SGCZ: variants seen among roughly 807,000 people sequenced by gnomAD.
The protein encoded by SGCZ is zeta-sarcoglycan.
In SGCZ, 40 loss-of-function variants were observed where a neutral mutation model predicts 41.3. The ratio of observed to expected loss-of-function variants is 0.97; its 90% CI spans 0.75 to 1.26. The LOEUF is 1.26. Among genes scored for constraint, SGCZ ranks in the 50% most tolerant of loss-of-function variants. The pLI, the probability that SGCZ is intolerant of heterozygous loss-of-function variation, is 0.00. For missense variants in SGCZ, 552 were observed against 369.8 expected, an observed-to-expected ratio of 1.49 and a Z score of -4.04; for synonymous variants, 206 against 137.5, an observed-to-expected ratio of 1.50 and a Z score of -3.49.
chr8:14,664,503 A>C (rs1807846528), intron 1 of SGCZ, among the ~76,000 whole-genome samples: 3 of 152,198 alleles, frequency 2.0e-5, no homozygotes, highest in Non-Finnish European at 4.4e-5. Flanking sequence ...AAGATATGTG[A>C]TATTTCAACT....
At position 14,199,860 on chromosome 8, in the gene SGCZ, C is replaced by A. The variant is rs557738076; in HGVS notation, c.425-35158G>T. 3.3e-5 allele frequency among the ~76,000 whole-genome samples: 5 copies of A among 152,164 alleles called. No homozygotes were observed. The South Asian group carries it at 1.0e-3, about 32-fold the overall frequency. The stretch of plus-strand genomic sequence containing the variant: ...AAAATGGATTTTGAAGATCTAAGAT[C>A]TTAAGAACAAATCTTCTATCCATAC... On this transcript the variant is annotated intron_variant, in intron 4 of 7. Coordinates refer to ENST00000382080, the MANE Select transcript of SGCZ (RefSeq NM_139167.4).
intron 5 of SGCZ, among the ~76,000 whole-genome samples, chr8:14,119,271 C>A (rs1802618703): frequency 6.6e-6 from 1 of 152,106 alleles, no homozygotes. Flanking sequence ...TCGAAGAAGT[C>A]CTTCACATCC....
intron 3 of SGCZ, among the ~76,000 whole-genome samples, chr8:14,302,757 A>T (rs921502758): frequency 6.6e-6 from 1 of 152,154 alleles, no homozygotes; most frequent in East Asian, 1.9e-4. Flanking sequence ...AGAAACACCG[A>T]CCCTAAATTT....
chr8:14,163,984 G>C (rs949931473), intron 5 of SGCZ, among the ~76,000 whole-genome samples: 2 of 152,094 alleles, frequency 1.3e-5, no homozygotes, highest in African/African-American at 2.4e-5. Context: ...GCTTAAAATT[G>C]TCATCAAATT....
intron 1 of SGCZ, among the ~76,000 whole-genome samples, chr8:14,562,128 T>G (rs1056396237): frequency 6.6e-6 from 1 of 152,132 alleles, no homozygotes; most frequent in Non-Finnish European, 1.5e-5. Context: ...ATTTTTTACC[T>G]TAGTCCCTTG....
At chr8:14,447,067 A>G (rs2117388053) in intron 2 of SGCZ, among the ~76,000 whole-genome samples, 1 of 152,316 alleles carries the variant, frequency 6.6e-6, no homozygotes, top group African/African-American at 2.4e-5. Flanking sequence ...CATTTTCCAG[A>G]AAATATATGT....
At chr8:15,097,920 A>T (rs1207544809) in intron 1 of SGCZ, among the ~76,000 whole-genome samples, 2 of 127,158 alleles carry the variant, frequency 1.6e-5, no homozygotes, top group Non-Finnish European at 3.3e-5. Flanking sequence ...ACGTGTGTAT[A>T]TATATATATA....
intron 4 of SGCZ, among the ~76,000 whole-genome samples, chr8:14,198,031 A>T (rs774973756): frequency 6.6e-6 from 1 of 152,214 alleles, no homozygotes; most frequent in Non-Finnish European, 1.5e-5. Flanking sequence ...ATTAAACTTA[A>T]TATTTTTATA....
chr8:14,466,797 T>A (rs1406564389), intron 2 of SGCZ, among the ~76,000 whole-genome samples: 1 of 151,876 alleles, frequency 6.6e-6, no homozygotes, highest in Non-Finnish European at 1.5e-5. Context: ...AAAATACCTT[T>A]TGATTTCTTT....
At chr8:15,231,607 A>G (rs550560282) in intron 1 of SGCZ, among the ~76,000 whole-genome samples, 191 of 109,404 alleles carry the variant, frequency 1.7e-3, no homozygotes, top group Middle Eastern at 5.8e-3. Flanking sequence ...ATGTTAATAT[A>G]TTCTTTTTTT....
intron 1 of SGCZ, among the ~76,000 whole-genome samples, chr8:15,194,676 G>C (rs895588839): frequency 7.2e-5 from 11 of 152,128 alleles, no homozygotes; most frequent in Admixed American, 1.3e-4. Flanking sequence ...AGATCTGAAG[G>C]TTCTACACTG....
At chr8:14,604,996 C>A (rs573734653) in intron 1 of SGCZ, among the ~76,000 whole-genome samples, 28 of 152,292 alleles carry the variant, frequency 1.8e-4, no homozygotes, top group Non-Finnish European at 4.0e-4. Context: ...TTACTGTCTG[C>A]TTTTACATTC....
intron 4 of SGCZ, 73 bp downstream of exon 4, chr8:14,237,519 A>T: frequency 7.4e-7 from 1 of 1,359,022 alleles, no homozygotes; most frequent in Non-Finnish European, 1.0e-6. Context: ...GACAACAACA[A>T]GAACCAAAAA....
chr8:14,588,989 T>G (rs1805153514), intron 1 of SGCZ, among the ~76,000 whole-genome samples: 1 of 152,118 alleles, frequency 6.6e-6, no homozygotes, highest in African/African-American at 2.4e-5. Flanking sequence ...ACAATGAATT[T>G]TTTCTCTTTT....
At chr8:15,001,409 G>C (rs1802415172) in intron 1 of SGCZ, among the ~76,000 whole-genome samples, 1 of 152,146 alleles carries the variant, frequency 6.6e-6, no homozygotes, top group Non-Finnish European at 1.5e-5. Context: ...ATCTGAATCA[G>C]TCGTGTGCAT....
intron 2 of SGCZ, among the ~76,000 whole-genome samples, chr8:14,459,480 G>A (rs1194023533): frequency 6.6e-6 from 1 of 152,022 alleles, no homozygotes; most frequent in Non-Finnish European, 1.5e-5. Flanking sequence ...GAAGGCAGAA[G>A]GGAGATACGA....
intron 1 of SGCZ, among the ~76,000 whole-genome samples, chr8:14,870,147 G>T (rs995772772): frequency 2.6e-5 from 4 of 152,024 alleles, no homozygotes; most frequent in African/African-American, 9.7e-5. Flanking sequence ...AAAGCTGGAG[G>T]CATCACACTA....
At chr8:14,124,881 G>T (rs369201598) in intron 5 of SGCZ, among the ~76,000 whole-genome samples, 8 of 152,100 alleles carry the variant, frequency 5.3e-5, no homozygotes, top group African/African-American at 1.7e-4. Context: ...TTCATGTGAT[G>T]ACACAAATAA....
At position 14,544,020 on chromosome 8, in the gene SGCZ, G is replaced by A. The variant is rs549951418; in HGVS notation, c.234+10712C>T. Among the ~76,000 whole-genome samples the A allele has an allele frequency of 1.1e-4, 16 of 152,154 alleles. No individual in the cohort carries two copies. In the South Asian group the frequency reaches 1.7e-3, roughly 16 times the overall value. ...CCTATCAGCAGATGTAAGGAGCCCC[G>A]AGCACAGAGTAATTATTTGTAAGAG... On this transcript the variant is annotated intron_variant, in intron 2 of 7. Coordinates refer to ENST00000382080, the MANE Select transcript of SGCZ (RefSeq NM_139167.4).
Sources: gnomAD v4.1 joint callset for allele counts (sites outside exome capture counted in the v4.1 genomes callset) on GRCh38, gnomAD v4.1.1 for gene constraint, MANE v1.5 for transcripts, NCBI Gene and HGNC (gene_info 2026-07-23, HGNC 2026-07-21) for gene names.